Variants in EMSY observed in about 807,000 individuals in gnomAD.
The protein encoded by EMSY is EMSY transcriptional repressor, BRCA2 interacting.
EMSY carries 26 observed loss-of-function variants against 134.6 expected under a neutral mutation model. The ratio of observed to expected loss-of-function variants is 0.19; its 90% CI spans 0.14 to 0.27. The LOEUF is 0.27. EMSY is among the 10% of genes least tolerant of loss of function. The pLI, the probability that EMSY is intolerant of heterozygous loss-of-function variation, is 1.00. For missense variants in EMSY, 1,305 were observed against 1,611.4 expected (o/e 0.81, Z 3.26); for synonymous variants, 579 against 577.8 (o/e 1.00, Z -0.03).
chr11:76,542,325 C>G (rs1253400353), exon 18 of EMSY: 1 of 1,614,086 alleles, frequency 6.2e-7, no homozygotes, highest in South Asian at 1.1e-5. Context: ...TGAAGTCCAT[C>G]CCAGCATCTT....
chr11:76,508,389 C>G (rs1268818453), intron 9 of EMSY, among the ~76,000 whole-genome samples: 8 of 150,950 alleles, frequency 5.3e-5, no homozygotes, highest in African/African-American at 1.5e-4. Context: ...GGGCTTAAAA[C>G]CTTCAGTAAA....
downstream of EMSY, chr11:76,551,630 A>G (rs1951839326): frequency 6.6e-6 from 1 of 152,446 alleles, no homozygotes; most frequent in Admixed American, 6.5e-5. Flanking sequence ...TGATTTACCC[A>G]TAGATGGAGC....
intron 9 of EMSY, among the ~76,000 whole-genome samples, chr11:76,506,647 A>G (rs1950088046): frequency 6.6e-6 from 1 of 152,234 alleles, no homozygotes; most frequent in Admixed American, 6.5e-5. Context: ...GAAAAATGAA[A>G]AAAATACTGA....
At chr11:76,450,794 ATT>A (rs34212263) in intron 2 of EMSY, among the ~76,000 whole-genome samples, 3 of 135,930 alleles carry the variant, frequency 2.2e-5, no homozygotes, top group Non-Finnish European at 3.1e-5. Context: ...GCCTGGCCAG[ATT>A]TTTTTTTTTT....
At chr11:76,496,350 T>G (rs962089538) in exon 9 of EMSY, 1 of 1,614,180 alleles carries the variant, frequency 6.2e-7, no homozygotes, top group Non-Finnish European at 8.5e-7. Flanking sequence ...TTATATCAAG[T>G]GCAACAGCAG....
intron 14 of EMSY, among the ~76,000 whole-genome samples, chr11:76,535,592 A>G (rs1325411669): frequency 1.3e-5 from 2 of 152,118 alleles, no homozygotes; most frequent in African/African-American, 4.8e-5. Flanking sequence ...CAGCCAGACT[A>G]TGTGCTTCTT....
intron 7 of EMSY, 150 bp from the exon 9 acceptor site, chr11:76,472,414 A>C: frequency 2.7e-6 from 2 of 744,532 alleles, no homozygotes; most frequent in Admixed American, 6.5e-5. Context: ...AGTAAAGGAA[A>C]ATTTTAATAT....
downstream of EMSY, chr11:76,551,729 A>G (rs906605464): frequency 1.6e-4 from 24 of 152,164 alleles, no homozygotes; most frequent in African/African-American, 4.8e-4. Context: ...TTCTTGGGTC[A>G]TAGACTTCTT....
At chr11:76,514,217 A>G (rs1326424851) in intron 10 of EMSY, among the ~76,000 whole-genome samples, 1 of 152,058 alleles carries the variant, frequency 6.6e-6, no homozygotes, top group Non-Finnish European at 1.5e-5. Flanking sequence ...CCATAACGTT[A>G]TTATAAGTAC....
chr11:76,483,440 T>G (rs1949059881), intron 8 of EMSY, among the ~76,000 whole-genome samples: 1 of 152,108 alleles, frequency 6.6e-6, no homozygotes, highest in South Asian at 2.1e-4. Flanking sequence ...AATGCCCCAA[T>G]TAAAAAACAC....
intron 12 of EMSY, among the ~76,000 whole-genome samples, chr11:76,524,168 G>T (rs1950760034): frequency 6.6e-6 from 1 of 152,154 alleles, no homozygotes; most frequent in East Asian, 1.9e-4. Flanking sequence ...GTTTGACCTT[G>T]GGTGACATAC....
In EMSY at chr11:76,446,666, A is replaced by T. The variant is rs537321825; in HGVS notation, c.-39-234A>T. ...TTAACCAGTAAGTTGAAAAGTTGGGACTAGAAACCTAGAGGTGTCTGGCTC... is the reference window on the plus strand; with the variant it reads ...TTAACCAGTAAGTTGAAAAGTTGGGTCTAGAAACCTAGAGGTGTCTGGCTC... On this transcript the variant is annotated intron_variant, in intron 1 of 20. Transcript: ENST00000334736. 2.6e-5 allele frequency among the ~76,000 whole-genome samples: 4 copies of T among 152,322 alleles called. No individual in the cohort carries two copies. In the East Asian group the frequency reaches 7.7e-4, roughly 29 times the overall value.
At chr11:76,451,226 T>C (rs1418435065) in intron 2 of EMSY, among the ~76,000 whole-genome samples, 1 of 152,178 alleles carries the variant, frequency 6.6e-6, no homozygotes, top group Non-Finnish European at 1.5e-5. Context: ...AATTAGTCAT[T>C]TTGATGATAG....
chr11:76,536,704 A>T (rs1187080248), intron 15 of EMSY, among the ~76,000 whole-genome samples: 12 of 152,186 alleles, frequency 7.9e-5, no homozygotes, highest in Admixed American at 7.2e-4. Context: ...ATAATAGGTC[A>T]AAGATTTTCA....
chr11:76,477,830 T>C (rs1194662324), intron 8 of EMSY, among the ~76,000 whole-genome samples: 1 of 152,236 alleles, frequency 6.6e-6, no homozygotes, highest in African/African-American at 2.4e-5. Flanking sequence ...TGATTCCACT[T>C]TTTATTCTGC....
At chr11:76,536,836 C>T (rs1050333068) in intron 15 of EMSY, among the ~76,000 whole-genome samples, 1 of 152,058 alleles carries the variant, frequency 6.6e-6, no homozygotes, top group Non-Finnish European at 1.5e-5. Flanking sequence ...CTTTTGGTTC[C>T]TAGTTCAATG....
exon 17 of EMSY, chr11:76,539,621 G>A (rs767795301): frequency 2.5e-6 from 4 of 1,613,794 alleles, no homozygotes; most frequent in East Asian, 4.5e-5. Flanking sequence ...AGGGGACAGA[G>A]GTTGCTTTTC....
intron 14 of EMSY, among the ~76,000 whole-genome samples, chr11:76,532,296 G>A (rs1347770844): frequency 6.6e-6 from 1 of 151,688 alleles, no homozygotes; most frequent in African/African-American, 2.4e-5. Flanking sequence ...AATAACTGTG[G>A]CATTGGGTTA....
At chr11:76,492,286 C>A (rs1949453988) in intron 8 of EMSY, among the ~76,000 whole-genome samples, 1 of 152,076 alleles carries the variant, frequency 6.6e-6, no homozygotes, top group Non-Finnish European at 1.5e-5. Context: ...GCAGCCTGGC[C>A]AACATGGTGA....
Sources: gnomAD v4.1 joint callset for allele counts (sites outside exome capture counted in the v4.1 genomes callset) on GRCh38, gnomAD v4.1.1 for gene constraint, MANE v1.5 for transcripts, NCBI Gene and HGNC (gene_info 2026-07-23, HGNC 2026-07-21) for gene names.